GRID1: variants seen among roughly 807,000 people sequenced by gnomAD.
GRID1 encodes the protein glutamate receptor ionotropic, delta-1.
In GRID1, 28 loss-of-function variants were observed where a neutral mutation model predicts 98.0. The observed-to-expected ratio is 0.29, with a 90% CI of 0.21 to 0.39. The LOEUF (loss-of-function observed/expected upper bound fraction) is 0.39, where lower values mean the gene tolerates loss of function less well. Among genes scored for constraint, GRID1 ranks in the 10% least tolerant of loss-of-function variants. The pLI is 1.00. For synonymous variants in GRID1, 553 were observed against 538.5 expected (o/e 1.03, Z -0.37); for missense variants, 1,111 against 1,340.5 (o/e 0.83, Z 2.67).
chr10:86,006,811 A>C (rs1244036722), intron 4 of GRID1, among the ~76,000 whole-genome samples: 1 of 151,934 alleles, frequency 6.6e-6, no homozygotes, highest in Non-Finnish European at 1.5e-5. Flanking sequence ...ATTAAAAAAA[A>C]AAAAACAATT....
chr10:85,953,615 A>G (rs1270501330), intron 4 of GRID1, among the ~76,000 whole-genome samples: 4 of 152,200 alleles, frequency 2.6e-5, no homozygotes, highest in Middle Eastern at 3.2e-3. Context: ...TGTGGACTCT[A>G]TAATATTCCT....
intron 4 of GRID1, among the ~76,000 whole-genome samples, chr10:86,074,230 C>T (rs1843846549): frequency 1.3e-5 from 2 of 152,100 alleles, no homozygotes; most frequent in East Asian, 1.9e-4. Flanking sequence ...GTATAGTCAC[C>T]CTGCTCTGAC....
intron 8 of GRID1, among the ~76,000 whole-genome samples, chr10:85,760,314 T>G (rs1300230318): frequency 6.6e-6 from 1 of 152,242 alleles, no homozygotes; most frequent in Non-Finnish European, 1.5e-5. Context: ...CAGTAGATTT[T>G]AGGTGTTATT....
Position 85,777,711 on chromosome 10 carries a change from A to G in GRID1, c.1234-48097T>C, listed in dbSNP as rs150278523. Among the ~76,000 whole-genome samples the G allele has an allele frequency of 2.3e-3, 354 of 152,350 alleles. 2 individuals are homozygous for G. Among genetic ancestry groups the G allele is most frequent in the Middle Eastern group, 0.014 (4 of 294 alleles). On this transcript the variant is annotated intron_variant, in intron 8 of 15. Transcript: ENST00000327946. ...ACTTCTCAACTGGTCATAGCTCAGGATAGGAGGATGAACTGACCATGGGAC... is the reference window on the plus strand; with the variant it reads ...ACTTCTCAACTGGTCATAGCTCAGGGTAGGAGGATGAACTGACCATGGGAC...
chr10:86,292,643 C>T (rs576599404), intron 2 of GRID1, among the ~76,000 whole-genome samples: 6 of 152,190 alleles, frequency 3.9e-5, no homozygotes, highest in African/African-American at 1.2e-4. Context: ...AAGGCATTTC[C>T]GTGTGTGCAT....
At chr10:85,701,315 A>G (rs776543891) in intron 12 of GRID1, among the ~76,000 whole-genome samples, 1 of 152,112 alleles carries the variant, frequency 6.6e-6, no homozygotes, top group African/African-American at 2.4e-5. Context: ...AGAAACCCTC[A>G]TTTACCAGCA....
At chr10:85,945,797 T>C (rs536955279) in intron 4 of GRID1, among the ~76,000 whole-genome samples, 1 of 152,338 alleles carries the variant, frequency 6.6e-6, no homozygotes, top group South Asian at 2.1e-4. Context: ...AAAATTCTGT[T>C]TCCAAGGTTT....
intron 15 of GRID1, chr10:85,606,545 G>A (rs1842667089): frequency 6.6e-6 from 1 of 152,210 alleles, no homozygotes; most frequent in Non-Finnish European, 1.5e-5. Flanking sequence ...GCAGCCATTT[G>A]CTGTGTCTCA....
At position 85,775,753 on chromosome 10, in the gene GRID1, G is replaced by T. The variant is rs114507673; in HGVS notation, c.1234-46139C>A. The stretch of plus-strand genomic sequence containing the variant: ...AAAGAATATTGTTGAAAAGGGGGTT[G>T]AGAAATATCTATTCCAATTTATTTG... On this transcript the variant is annotated intron_variant, in intron 8 of 15. Transcript: ENST00000327946. 1.7e-3 allele frequency among the ~76,000 whole-genome samples: 262 copies of T among 152,268 alleles called. 1 individual carries two copies. The highest frequency in any genetic ancestry group is 6.0e-3 in the African/African-American group (250 of 41,562).
intron 8 of GRID1, 52 bp from the exon 9 acceptor site, chr10:85,729,666 C>T (rs1360948641): frequency 1.8e-6 from 2 of 1,126,050 alleles, no homozygotes; most frequent in African/African-American, 3.0e-5. Context: ...CCCGTGCACA[C>T]CATAGGACCT....
At chr10:86,062,274 A>G (rs1307179003) in intron 4 of GRID1, among the ~76,000 whole-genome samples, 1 of 152,118 alleles carries the variant, frequency 6.6e-6, no homozygotes, top group Non-Finnish European at 1.5e-5. Flanking sequence ...TCATACACAC[A>G]CACAGACACA....
intron 12 of GRID1, among the ~76,000 whole-genome samples, chr10:85,684,002 T>C (rs1317748644): frequency 2.0e-5 from 3 of 152,198 alleles, no homozygotes; most frequent in African/African-American, 4.8e-5. Context: ...AAAAATTATG[T>C]ATAAAAATTC....
intron 4 of GRID1, among the ~76,000 whole-genome samples, chr10:86,066,566 A>G (rs1564664635): frequency 6.6e-6 from 1 of 152,196 alleles, no homozygotes; most frequent in Admixed American, 6.5e-5. Context: ...TCTGCCCATC[A>G]TGCTATGGAA....
In GRID1 at chr10:86,028,393, G is replaced by C. The variant is rs116472554; in HGVS notation, c.726+110426C>G. On this transcript the variant is annotated intron_variant, in intron 4 of 15. Coordinates refer to ENST00000327946, the MANE Select transcript of GRID1 (RefSeq NM_017551.3). ...CCCAGGCCATGGGATTAGAAGCCAG[G>C]GTCACTGGTATGGACCGATTTACTG... is the stretch of plus-strand genomic sequence containing the variant. Among the ~76,000 whole-genome samples the C allele has an allele frequency of 1.1e-3, 169 of 152,260 alleles. 1 individual carries two copies. The highest frequency in any genetic ancestry group is 3.8e-3 in the African/African-American group (156 of 41,544).
Position 86,138,876 on chromosome 10 carries a change from C to T in GRID1, c.669G>A (p.Thr223=), listed in dbSNP as rs146226295. 52 of 1,614,094 alleles carry T rather than the reference C, an allele frequency of 3.2e-5. No homozygotes were observed. The highest frequency in any genetic ancestry group is 1.9e-4 in the African/African-American group (14 of 74,934). ...TGAGCAGCAGGATGGCGCGGCGAAGCGTGTCCCGGTAGCGATTCAGCTCCT... is the reference window on the plus strand; with the variant it reads ...TGAGCAGCAGGATGGCGCGGCGAAGTGTGTCCCGGTAGCGATTCAGCTCCT... ...KTEELNRYRD[T]LRRAILLLSP... Residue 223 remains threonine, a synonymous_variant, in exon 4 of 16, where the codon ACG becomes ACA. Transcript: ENST00000327946.
Position 85,916,227 on chromosome 10 carries a change from T to C in GRID1, c.739A>G (p.Asn247Asp). Residue 247 changes from asparagine to aspartate, a missense_variant, in exon 5 of 16, where the codon AAC (asparagine) becomes GAC (aspartate). Asn to Asp is a conservative substitution (Grantham distance 23). Transcript: ENST00000327946. This position sits in a 1 kb window ranked among gnomAD's most constrained non-coding sequence, Gnocchi z 4.0. ...CAGTGGCTGTCCTTGGAAGCCAGGTTGGTCTCCACGGCCTGCAGAGAGAAA... is the reference window on the plus strand; with the variant it reads ...CAGTGGCTGTCCTTGGAAGCCAGGTCGGTCTCCACGGCCTGCAGAGAGAAA... Reference protein sequence around the residue: ...HSFINEAVETNLASKDSHWVF... With the variant: ...HSFINEAVETDLASKDSHWVF... 6.2e-7 allele frequency: 1 copy of C among 1,613,470 alleles called. No individual in the cohort carries two copies. The highest frequency in any genetic ancestry group is 8.5e-7 in the Non-Finnish European group (1 of 1,179,382).
intron 12 of GRID1, among the ~76,000 whole-genome samples, chr10:85,673,153 T>C (rs1305754417): frequency 6.6e-6 from 1 of 152,126 alleles, no homozygotes; most frequent in East Asian, 1.9e-4. Flanking sequence ...GAACTAGAAT[T>C]AGAAAGGGAG....
intron 3 of GRID1, among the ~76,000 whole-genome samples, chr10:86,139,606 C>A (rs183388625): frequency 1.7e-4 from 26 of 152,322 alleles, no homozygotes; most frequent in African/African-American, 6.0e-4. Context: ...GCTTTAGGGA[C>A]CTGATTTTCC....
At position 85,856,157 on chromosome 10, in the gene GRID1, T is replaced by A. The variant is rs770688873; in HGVS notation, c.985A>T (p.Met329Leu). The change falls in exon 7 of 16, where the codon ATG (methionine) becomes TTG (leucine). Residue 329 changes from methionine to leucine, a missense_variant. Met to Leu is a conservative substitution (Grantham distance 15). Transcript: ENST00000327946. ...SNLYLYDSVL[M>L]LANAFHRKLE... ...TTCCTGTGAAAGGCGTTGGCCAGCA[T>A]CAGAACACTGTCATACAGATAGAGG... 6.2e-7 allele frequency: 1 copy of A among 1,614,122 alleles called. No individual in the cohort carries two copies. Among genetic ancestry groups the A allele is most frequent in the South Asian group, 1.1e-5 (1 of 91,074 alleles).
Sources: gnomAD v4.1 joint callset for allele counts (sites outside exome capture counted in the v4.1 genomes callset) on GRCh38, gnomAD v4.1.1 for gene constraint, Gnocchi (gnomAD v3.1) non-coding constraint, MANE v1.5 for transcripts, NCBI Gene and HGNC (gene_info 2026-07-23, HGNC 2026-07-21) for gene names.